The following SDCCAG8 variants were observed in gnomAD, a reference collection of about 807,000 sequenced individuals.
SDCCAG8 encodes the protein SHH signaling and ciliogenesis regulator SDCCAG8, also known as serologically defined colon cancer antigen 8.
A neutral mutation model predicts 101.8 loss-of-function variants in SDCCAG8; 74 were observed. That is an observed-to-expected ratio of 0.73 (90% CI 0.60 to 0.88). The LOEUF (loss-of-function observed/expected upper bound fraction) is 0.88, where lower values mean the gene tolerates loss of function less well. Ranked by LOEUF, SDCCAG8 falls within the 40% of genes least tolerant of loss-of-function variation. The pLI, the probability that SDCCAG8 is intolerant of heterozygous loss-of-function variation, is 0.00. For missense variants in SDCCAG8, 787 were observed against 822.6 expected (o/e 0.96, Z 0.53); for synonymous variants, 281 against 292.9 (o/e 0.96, Z 0.41).
chr1:243,484,196 T>C (rs1424701675), intron 16 of SDCCAG8, among the ~76,000 whole-genome samples: 1 of 152,258 alleles, frequency 6.6e-6, no homozygotes, highest in Non-Finnish European at 1.5e-5. Context: ...ACGAAGTCCA[T>C]ATTTGCTGGT....
At position 243,458,821 on chromosome 1, in the gene SDCCAG8, G is replaced by A. The variant is rs1234260027; in HGVS notation, c.1986-30193G>A. On this transcript the variant is annotated intron_variant, in intron 16 of 17. Coordinates refer to ENST00000366541, the MANE Select transcript of SDCCAG8 (RefSeq NM_006642.5). This position sits in a 1 kb window ranked among gnomAD's most constrained non-coding sequence, Gnocchi z 4.5. ...TTCCCATTGTCAGTGATCTCTAAAC[G>A]GCATTCCTGCCACTAAACTGCCACT... 6.6e-6 allele frequency among the ~76,000 whole-genome samples: 1 copy of A among 152,142 alleles called. No homozygotes were observed. Among genetic ancestry groups the A allele is most frequent in the East Asian group, 1.9e-4 (1 of 5,200 alleles).
chr1:243,438,699 G>C (rs1336770653), intron 16 of SDCCAG8, among the ~76,000 whole-genome samples: 1 of 152,174 alleles, frequency 6.6e-6, no homozygotes, highest in East Asian at 1.9e-4. Flanking sequence ...TTTTAAACAA[G>C]GGAAAGACAT....
chr1:243,390,538 G>C (rs1242336844), intron 13 of SDCCAG8, among the ~76,000 whole-genome samples: 2 of 152,338 alleles, frequency 1.3e-5, no homozygotes, highest in East Asian at 3.9e-4. Flanking sequence ...GCAGTGCCAG[G>C]AAATGTGTGT....
At position 243,294,701 on chromosome 1, in the gene SDCCAG8, C is replaced by CT. The variant is rs1168570523; in HGVS notation, c.675+1482_675+1483insT. On this transcript the variant is annotated intron_variant, in intron 6 of 17. Coordinates refer to ENST00000366541, the MANE Select transcript of SDCCAG8 (RefSeq NM_006642.5). ...CATACTGTGACTTTCTAAATTCCCC[C>CT]CCCCCCCCACAGCTGCCTTTGAACG... Among the ~76,000 whole-genome samples, 4 of 85,112 alleles carry CT rather than the reference C, an allele frequency of 4.7e-5. 1 individual carries two copies. The highest frequency in any genetic ancestry group is 1.0e-4 in the Non-Finnish European group (4 of 39,834). The allele number at this position is 85,112 out of a possible 152,430, so 55.8% of individuals were successfully genotyped here. A position where few individuals can be genotyped will look rare whatever the true frequency, so the allele number is the denominator to read the frequency against.
chr1:243,323,437 A>G (rs1407346250), intron 9 of SDCCAG8, among the ~76,000 whole-genome samples: 2 of 151,946 alleles, frequency 1.3e-5, no homozygotes, highest in African/African-American at 2.4e-5. Context: ...ATTTCCCAAG[A>G]TGAACATCTT....
intron 13 of SDCCAG8, among the ~76,000 whole-genome samples, chr1:243,405,445 C>T (rs944271716): frequency 6.6e-6 from 1 of 152,206 alleles, no homozygotes; most frequent in Non-Finnish European, 1.5e-5. Flanking sequence ...TGAGACCTTC[C>T]TTGCAATAAA....
rs1326904871 is a variant in SDCCAG8 at position 243,500,017 on chromosome 1, A to AAGTT, written c.*234_*237dup. The AAGTT allele has an allele frequency of 6.9e-6, 4 of 583,814 alleles. No homozygotes were observed. The highest frequency in any genetic ancestry group is 2.2e-5 in the South Asian group (1 of 45,692). The allele number at this position is 583,814 out of a possible 1,614,324, so 36.2% of individuals were successfully genotyped here. Reference sequence around the variant, plus strand: ...GGTGTATGTTTTCAGAAATGGCTTGAAGTTATGTGTTTAAATCTGCTCATT... The same window carrying AAGTT: ...GGTGTATGTTTTCAGAAATGGCTTGAAGTTAGTTATGTGTTTAAATCTGCTCATT... On this transcript the variant is annotated 3_prime_UTR_variant, in exon 18 of 18. Coordinates refer to ENST00000366541, the MANE Select transcript of SDCCAG8 (RefSeq NM_006642.5).
chr1:243,274,781 C>G (rs1040984319), intron 4 of SDCCAG8, 125 bp downstream of exon 4: 4 of 624,872 alleles, frequency 6.4e-6, no homozygotes, highest in Admixed American at 2.4e-5. Context: ...GCTATTCTTA[C>G]GTGATTGAGA....
chr1:243,359,402 C>T (rs747085803), intron 12 of SDCCAG8, among the ~76,000 whole-genome samples: 9 of 152,064 alleles, frequency 5.9e-5, no homozygotes, highest in Non-Finnish European at 1.0e-4. Context: ...TGTATACTTT[C>T]GGTGGGTGAA....
intron 12 of SDCCAG8, among the ~76,000 whole-genome samples, chr1:243,376,109 T>C (rs897567895): frequency 6.6e-6 from 1 of 152,168 alleles, no homozygotes; most frequent in African/African-American, 2.4e-5. Context: ...ATGAATTAAA[T>C]TGAGAACTCT....
At position 243,485,920 on chromosome 1, in the gene SDCCAG8, C is replaced by T. The variant is rs573645637; in HGVS notation, c.1986-3094C>T. On this transcript the variant is annotated intron_variant, in intron 16 of 17. Coordinates refer to ENST00000366541, the MANE Select transcript of SDCCAG8 (RefSeq NM_006642.5). ...AAAAAAAAAAAAATCAATCTCGGGC[C>T]GGGCGTGGTGGCTCACGCCTGTAAT... is the stretch of plus-strand genomic sequence containing the variant. 5.3e-5 allele frequency among the ~76,000 whole-genome samples: 8 copies of T among 150,150 alleles called. No homozygotes were observed. In the East Asian group the frequency reaches 1.4e-3, roughly 26 times the overall value.
intron 17 of SDCCAG8, among the ~76,000 whole-genome samples, chr1:243,498,359 G>A (rs1225144781): frequency 6.6e-6 from 1 of 152,200 alleles, no homozygotes; most frequent in African/African-American, 2.4e-5. Flanking sequence ...ACTCAGACAG[G>A]GCCTGGAGAA....
chr1:243,481,112 T>A (rs1201076932), intron 16 of SDCCAG8, among the ~76,000 whole-genome samples: 4 of 152,062 alleles, frequency 2.6e-5, no homozygotes, highest in African/African-American at 9.7e-5. Flanking sequence ...GATCAAGTGC[T>A]CAGGATCCTT....
chr1:243,325,704 C>G (rs1332704248), intron 9 of SDCCAG8, among the ~76,000 whole-genome samples: 1 of 152,074 alleles, frequency 6.6e-6, no homozygotes, highest in Non-Finnish European at 1.5e-5. Context: ...CTGATTTGGG[C>G]AAGTTACTGA....
intron 16 of SDCCAG8, among the ~76,000 whole-genome samples, chr1:243,434,386 T>A (rs1016341166): frequency 6.6e-6 from 1 of 152,226 alleles, no homozygotes; most frequent in African/African-American, 2.4e-5. Flanking sequence ...AAGAGCAAAT[T>A]AACAAAATTA....
At position 243,294,543 on chromosome 1, in the gene SDCCAG8, A is replaced by C. The variant is rs1251948314; in HGVS notation, c.675+1324A>C. On this transcript the variant is annotated intron_variant, in intron 6 of 17. Coordinates refer to ENST00000366541, the MANE Select transcript of SDCCAG8 (RefSeq NM_006642.5). ...AGAGAGAGAACAACCCACCTCTCCC[A>C]GTCTTTTCAGATTGGGTCTGTGCTG... 7.1e-5 allele frequency among the ~76,000 whole-genome samples: 4 copies of C among 56,240 alleles called. No individual in the cohort carries two copies. In the East Asian group the frequency reaches 2.9e-3, roughly 41 times the overall value. 36.9% of individuals were successfully genotyped at this position (56,240 alleles called of 152,430 possible).
At chr1:243,490,053 G>GGGGA (rs1666013638) in intron 17 of SDCCAG8, among the ~76,000 whole-genome samples, 1 of 152,216 alleles carries the variant, frequency 6.6e-6, no homozygotes, top group Non-Finnish European at 1.5e-5. Flanking sequence ...TGAGTGCCCT[G>GGGGA]GGGACTTCAG....
In SDCCAG8 at chr1:243,437,787, C is replaced by G. The variant is rs190640275; in HGVS notation, c.1985+11229C>G. Among the ~76,000 whole-genome samples the G allele has an allele frequency of 1.6e-3, 248 of 152,326 alleles. 2 individuals are homozygous for G. The highest frequency in any genetic ancestry group is 1.7e-3 in the Non-Finnish European group (115 of 68,028). On this transcript the variant is annotated intron_variant, in intron 16 of 17. Coordinates refer to ENST00000366541, the MANE Select transcript of SDCCAG8 (RefSeq NM_006642.5). ...TCTCCTGACCTCGTGATCCGCCCGC[C>G]TCGGCCTCCCAAAGTGCTGGGATGA...
At chr1:243,379,502 CTT>C (rs1364954560) in intron 13 of SDCCAG8, among the ~76,000 whole-genome samples, 3 of 152,244 alleles carry the variant, frequency 2.0e-5, no homozygotes, top group South Asian at 4.1e-4. Flanking sequence ...CAGTAAGACT[CTT>C]TAGGTTGTAA....
Sources: gnomAD v4.1 joint callset for allele counts (sites outside exome capture counted in the v4.1 genomes callset) on GRCh38, gnomAD v4.1.1 for gene constraint, Gnocchi (gnomAD v3.1) non-coding constraint, MANE v1.5 for transcripts, NCBI Gene and HGNC (gene_info 2026-07-23, HGNC 2026-07-21) for gene names.